Variants in ACTR2 observed in about 807,000 individuals in gnomAD.
ACTR2 encodes the protein actin related protein 2.
ACTR2 carries 5 observed loss-of-function variants against 50.2 expected under a neutral mutation model. That is an observed-to-expected ratio of 0.10 (90% CI 0.05 to 0.21). ACTR2 has a LOEUF of 0.21. ACTR2 is among the 10% of genes least tolerant of loss of function. ACTR2 has a pLI of 1.00. For missense variants in ACTR2, 180 were observed against 480.6 expected, an observed-to-expected ratio of 0.37 and a Z score of 5.85; for synonymous variants, 140 against 162.9, an observed-to-expected ratio of 0.86 and a Z score of 1.07.
chr2:65,259,919 T>A (rs180686837), intron 6 of ACTR2, among the ~76,000 whole-genome samples: 4 of 152,342 alleles, frequency 2.6e-5, no homozygotes, highest in Admixed American at 1.3e-4. Context: ...ATGAACATGA[T>A]GTGTGACTGA....
In ACTR2 at chr2:65,253,712, C is replaced by T. The variant is rs1219867631; in HGVS notation, c.449-16C>T. ...TGATTTGACTTTTTATTTAAATCCCCCTGGCTTTTATGCAGGTTTATTGAC... is the reference window on the plus strand; with the variant it reads ...TGATTTGACTTTTTATTTAAATCCCTCTGGCTTTTATGCAGGTTTATTGAC... On this transcript the variant is annotated splice_polypyrimidine_tract_variant and intron_variant, in intron 4 of 8. Coordinates refer to ENST00000260641, the MANE Select transcript of ACTR2 (RefSeq NM_005722.4). The T allele has an allele frequency of 6.2e-7, 1 of 1,606,716 alleles. No individual in the cohort carries two copies.
At chr2:65,253,278 A>G (rs1672087328) in intron 4 of ACTR2, among the ~76,000 whole-genome samples, 1 of 151,990 alleles carries the variant, frequency 6.6e-6, no homozygotes, top group African/African-American at 2.4e-5. Context: ...TGTCTCTACA[A>G]AAAAATTACA....
chr2:65,234,702 C>G lies in ACTR2; in HGVS notation c.49-5150C>G, dbSNP rs540221837. Among the ~76,000 whole-genome samples, 3 of 152,304 alleles carry G rather than the reference C, an allele frequency of 2.0e-5. No individual in the cohort carries two copies. The South Asian group carries it at 6.2e-4, about 32-fold the overall frequency. On this transcript the variant is annotated intron_variant, in intron 1 of 8. Coordinates refer to ENST00000260641, the MANE Select transcript of ACTR2 (RefSeq NM_005722.4). ...CCTCTTCCCTGCACTAGGATCAGAC[C>G]TATGCTCCATCCCAGGCTCCTCCTG...
At chr2:65,253,125 T>G (rs910362319) in intron 4 of ACTR2, among the ~76,000 whole-genome samples, 17 of 151,928 alleles carry the variant, frequency 1.1e-4, no homozygotes, top group Non-Finnish European at 1.3e-4. Flanking sequence ...TTGAAAAAAA[T>G]AAAGAATTGT....
chr2:65,227,979 C>T, intron 1 of ACTR2, 22 bp downstream of exon 1: 1 of 1,493,200 alleles, frequency 6.7e-7, no homozygotes, highest in Non-Finnish European at 8.9e-7. Context: ...GCGAGGAGGC[C>T]TTGGCGGCCA....
At chr2:65,237,587 A>G (rs1671764364) in intron 1 of ACTR2, among the ~76,000 whole-genome samples, 2 of 152,208 alleles carry the variant, frequency 1.3e-5, no homozygotes, top group Non-Finnish European at 2.9e-5. Flanking sequence ...ACAGTGGCTC[A>G]TGTCTGTAAT....
At position 65,267,862 on chromosome 2, in the gene ACTR2, C is replaced by CTTTTTTTTTTTTTTTT. The variant is rs70943640; in HGVS notation, c.1015-689_1015-674dup. ...ACCTTGAAGAAGTCATGCAAGTCCTCTTTTTTTTTTTTTTTTTTTTTTTTT... is the reference window on the plus strand; with the variant it reads ...ACCTTGAAGAAGTCATGCAAGTCCTCTTTTTTTTTTTTTTTTTTTTTTTTTTTTTTTTTTTTTTTTT... On this transcript the variant is annotated intron_variant, in intron 8 of 8. Coordinates refer to ENST00000260641, the MANE Select transcript of ACTR2 (RefSeq NM_005722.4). Among the ~76,000 whole-genome samples, 100 of 47,412 alleles carry CTTTTTTTTTTTTTTTT rather than the reference C, an allele frequency of 2.1e-3. 27 individuals are homozygous for CTTTTTTTTTTTTTTTT. The highest frequency in any genetic ancestry group is 2.6e-3 in the Non-Finnish European group (68 of 26,196). 31.1% of individuals were successfully genotyped at this position (47,412 alleles called of 152,430 possible).
At chr2:65,262,426 A>T (rs1672285681) in intron 7 of ACTR2, among the ~76,000 whole-genome samples, 1 of 148,828 alleles carries the variant, frequency 6.7e-6, no homozygotes, top group East Asian at 2.0e-4. Flanking sequence ...TTTTTAGTAG[A>T]GATGGGGTTT....
intron 8 of ACTR2, among the ~76,000 whole-genome samples, chr2:65,267,866 T>TTG (rs1672407136): frequency 2.7e-5 from 3 of 109,998 alleles, no homozygotes; most frequent in Non-Finnish European, 3.6e-5. Flanking sequence ...AGTCCTCTTT[T>TTG]TTTTTTTTTT....
chr2:65,247,167 G>A (rs1009641749), intron 3 of ACTR2, among the ~76,000 whole-genome samples: 2 of 152,054 alleles, frequency 1.3e-5, no homozygotes, highest in Non-Finnish European at 2.9e-5. Context: ...CTACTCACGT[G>A]CAAACTTAAC....
intron 8 of ACTR2, among the ~76,000 whole-genome samples, chr2:65,266,408 G>A (rs1289588447): frequency 2.0e-5 from 3 of 152,116 alleles, no homozygotes; most frequent in Non-Finnish European, 2.9e-5. Context: ...GCCCCAGGTT[G>A]GTGGGAGTGT....
intron 6 of ACTR2, among the ~76,000 whole-genome samples, chr2:65,258,797 A>G (rs1672203200): frequency 6.6e-6 from 1 of 152,160 alleles, no homozygotes; most frequent in Non-Finnish European, 1.5e-5. Flanking sequence ...CATGCTGGCC[A>G]GCAGCCAGAG....
chr2:65,256,734 A>C (rs1672155472), intron 6 of ACTR2, among the ~76,000 whole-genome samples: 1 of 152,074 alleles, frequency 6.6e-6, no homozygotes, highest in Non-Finnish European at 1.5e-5. Context: ...TAGCTGGGCA[A>C]GGTGGTGGGC....
At position 65,227,904 on chromosome 2, in the gene ACTR2, C is replaced by T. The variant is rs1043658342; in HGVS notation, c.-6C>T. The T allele has an allele frequency of 5.3e-6, 8 of 1,519,102 alleles. No individual in the cohort carries two copies. The Admixed American group carries it at 8.5e-5, about 16-fold the overall frequency. The allele number at this position is 1,519,102 out of a possible 1,614,324, so 94.1% of individuals were successfully genotyped here. A position where few individuals can be genotyped will look rare whatever the true frequency, so the allele number is the denominator to read the frequency against. On this transcript the variant is annotated 5_prime_UTR_variant, in exon 1 of 9. Transcript: ENST00000260641. ...GCGGCTGCAGCGGCTCTTCCCTGGG[C>T]GGACGATGGACAGCCAGGGCAGGAA...
intron 3 of ACTR2, among the ~76,000 whole-genome samples, chr2:65,250,312 T>C (rs268855): frequency 0.85 from 128,815 of 150,830 alleles, 55,052 homozygotes; most frequent in African/African-American, 0.89. Context: ...TGCAGTGAGC[T>C]GAGATGGCAC....
intron 1 of ACTR2, 91 bp from the exon 2 acceptor site, chr2:65,239,761 A>G (rs1573151769): frequency 2.4e-6 from 2 of 847,900 alleles, no homozygotes; most frequent in African/African-American, 1.7e-5. Context: ...AAAATGTTAT[A>G]TAAATGCAAA....
At chr2:65,267,152 G>T (rs1672388046) in intron 8 of ACTR2, among the ~76,000 whole-genome samples, 1 of 152,170 alleles carries the variant, frequency 6.6e-6, no homozygotes. Flanking sequence ...GTCATCTATA[G>T]CCCTTATGCC....
intron 6 of ACTR2, among the ~76,000 whole-genome samples, chr2:65,260,891 C>T (rs1488086489): frequency 1.3e-5 from 2 of 151,914 alleles, no homozygotes; most frequent in African/African-American, 4.8e-5. Context: ...CCACCACACC[C>T]GGCTAATTTT....
chr2:65,242,091 T>G (rs765005829), intron 2 of ACTR2: 1 of 1,545,648 alleles, frequency 6.5e-7, no homozygotes, highest in Non-Finnish European at 8.9e-7. Context: ...CATGCTCTGT[T>G]TGTTTTCCAC....
Sources: gnomAD v4.1 joint callset for allele counts (sites outside exome capture counted in the v4.1 genomes callset) on GRCh38, gnomAD v4.1.1 for gene constraint, MANE v1.5 for transcripts, NCBI Gene and HGNC (gene_info 2026-07-23, HGNC 2026-07-21) for gene names.